ASTN2: variants seen among roughly 807,000 people sequenced by gnomAD.
ASTN2 encodes astrotactin-2.
In ASTN2, 54 loss-of-function variants were observed where a neutral mutation model predicts 139.8. The observed-to-expected ratio is 0.39, with a 90% CI of 0.31 to 0.48. ASTN2 has a LOEUF of 0.48. Among genes scored for constraint, ASTN2 ranks in the 20% least tolerant of loss-of-function variants. The pLI is 0.95. For missense variants in ASTN2, 1,565 were observed against 1,725.1 expected, an observed-to-expected ratio of 0.91 and a Z score of 1.64; for synonymous variants, 756 against 719.5, an observed-to-expected ratio of 1.05 and a Z score of -0.81.
chr9:116,507,086 C>T (rs1032344764), intron 19 of ASTN2, among the ~76,000 whole-genome samples: 3 of 152,144 alleles, frequency 2.0e-5, no homozygotes, highest in Non-Finnish European at 4.4e-5. Context: ...CATACATAAT[C>T]GCTTTAACAT....
chr9:117,063,311 A>C (rs1197029066), intron 5 of ASTN2, among the ~76,000 whole-genome samples: 1 of 152,070 alleles, frequency 6.6e-6, no homozygotes, highest in African/African-American at 2.4e-5. Context: ...CCCAAATCTC[A>C]CTTGAACTGT....
intron 1 of ASTN2, among the ~76,000 whole-genome samples, chr9:117,368,467 GAACA>G (rs1190665900): frequency 6.6e-6 from 1 of 152,084 alleles, no homozygotes; most frequent in African/African-American, 2.4e-5. Flanking sequence ...AAAGTTTAAA[GAACA>G]AACGAATCTG....
At chr9:116,938,825 T>TA (rs1389676826) in intron 10 of ASTN2, among the ~76,000 whole-genome samples, 3 of 152,128 alleles carry the variant, frequency 2.0e-5, no homozygotes, top group African/African-American at 4.8e-5. Flanking sequence ...CTCTTGCTAT[T>TA]AAAAAAAGGG....
intron 10 of ASTN2, among the ~76,000 whole-genome samples, chr9:116,961,402 A>T (rs1835871963): frequency 6.6e-6 from 1 of 151,946 alleles, no homozygotes; most frequent in Non-Finnish European, 1.5e-5. Context: ...CTCCGCAACC[A>T]CTATTCTACT....
At chr9:116,490,303 A>AAAAAAAAAAAAAAAAAAAAAT in intron 19 of ASTN2, among the ~76,000 whole-genome samples, 1 of 104,578 alleles carries the variant, frequency 9.6e-6, no homozygotes. Context: ...AAAAAAAAAA[A>AAAAAAAAAAAAAAAAAAAAAT]GGGGGCATTG....
intron 1 of ASTN2, among the ~76,000 whole-genome samples, chr9:117,390,938 G>A (rs928217134): frequency 6.6e-6 from 1 of 152,170 alleles, no homozygotes; most frequent in African/African-American, 2.4e-5. Flanking sequence ...TAGTTACACT[G>A]ATTTAATTGG....
intron 1 of ASTN2, among the ~76,000 whole-genome samples, chr9:117,406,591 T>C (rs575719457): frequency 1.3e-5 from 2 of 152,208 alleles, no homozygotes; most frequent in Admixed American, 6.5e-5. Context: ...GCTAGGATTA[T>C]CTAGCTAGGA....
intron 3 of ASTN2, among the ~76,000 whole-genome samples, chr9:117,178,948 T>TA (rs573706660): frequency 7.0e-4 from 107 of 152,364 alleles, no homozygotes; most frequent in African/African-American, 2.5e-3. Context: ...AGCCCTCTCA[T>TA]AGCCTGTTTT....
Position 116,631,226 on chromosome 9 carries a change from A to G in ASTN2, c.3073-10783T>C, listed in dbSNP as rs10817915. On this transcript the variant is annotated intron_variant, in intron 17 of 22. Coordinates refer to ENST00000313400, the MANE Select transcript of ASTN2 (RefSeq NM_001365068.1). ...CTGGGCATATATACAAAGGAAATAA[A>G]ATCAGTATGCTAAAGAGATATCTGC... Among the ~76,000 whole-genome samples, 2,908 of 152,296 alleles carry G rather than the reference A, an allele frequency of 0.019. 396 individuals carry two copies. In the South Asian group the frequency reaches 0.29, roughly 15 times the overall value.
chr9:117,348,535 T>C (rs1195257780), intron 1 of ASTN2, among the ~76,000 whole-genome samples: 1 of 152,132 alleles, frequency 6.6e-6, no homozygotes, highest in Non-Finnish European at 1.5e-5. Flanking sequence ...AATGGATCTA[T>C]TTACTGTAAA....
chr9:116,748,579 C>G (rs184710325), intron 13 of ASTN2, among the ~76,000 whole-genome samples: 1 of 152,202 alleles, frequency 6.6e-6, no homozygotes, highest in Admixed American at 6.5e-5. Context: ...TCACTACACA[C>G]TCCTCAAGGG....
intron 5 of ASTN2, among the ~76,000 whole-genome samples, chr9:117,071,195 G>C (rs1479822767): frequency 6.6e-6 from 1 of 151,636 alleles, no homozygotes; most frequent in Non-Finnish European, 1.5e-5. Flanking sequence ...TTTTGGTGTG[G>C]ATGTCCTTTC....
chr9:116,796,433 G>A (rs1453801584), intron 13 of ASTN2, among the ~76,000 whole-genome samples: 1 of 152,172 alleles, frequency 6.6e-6, no homozygotes, highest in Admixed American at 6.5e-5. Context: ...AATAGGAAAA[G>A]CTTCCCTAAG....
chr9:117,295,290 C>T (rs941996554), intron 1 of ASTN2, among the ~76,000 whole-genome samples: 3 of 151,796 alleles, frequency 2.0e-5, no homozygotes, highest in African/African-American at 7.3e-5. Flanking sequence ...CCACTGCACT[C>T]CAGCCTGGGC....
chr9:116,881,385 C>T (rs903102320), intron 10 of ASTN2, among the ~76,000 whole-genome samples: 2 of 152,238 alleles, frequency 1.3e-5, no homozygotes, highest in Admixed American at 1.3e-4. Context: ...CCATATTCTT[C>T]TCCCAGAATG....
intron 10 of ASTN2, among the ~76,000 whole-genome samples, chr9:116,948,517 T>C (rs1260327872): frequency 1.3e-5 from 2 of 152,226 alleles, no homozygotes; most frequent in African/African-American, 4.8e-5. Context: ...ATTTTCCTTG[T>C]TGTAGCTTTG....
intron 19 of ASTN2, among the ~76,000 whole-genome samples, chr9:116,595,861 C>G (rs1302214355): frequency 1.3e-5 from 2 of 152,120 alleles, no homozygotes; most frequent in African/African-American, 2.4e-5. Context: ...CTATGAAAAA[C>G]AGTATGCAGG....
intron 3 of ASTN2, among the ~76,000 whole-genome samples, chr9:117,182,673 T>C (rs143323520): frequency 1.3e-4 from 20 of 152,252 alleles, no homozygotes; most frequent in African/African-American, 4.8e-4. Context: ...CGGTGGTATA[T>C]GCCATAGTGG....
chr9:117,096,252 T>G lies in ASTN2; in HGVS notation c.1169-101A>C. ...ATCAGCAATCCCATCCCCAGACTTT[T>G]CTCTGTAAATCCCAAGCAACCCAGG... On this transcript the variant is annotated intron_variant, in intron 4 of 22. Coordinates refer to ENST00000313400, the MANE Select transcript of ASTN2 (RefSeq NM_001365068.1). 4 of 899,652 alleles carry G rather than the reference T, an allele frequency of 4.4e-6. No individual in the cohort carries two copies. In the South Asian group the frequency reaches 5.9e-5, roughly 13 times the overall value. 55.7% of individuals were successfully genotyped at this position (899,652 alleles called of 1,614,324 possible).
Sources: allele counts gnomAD v4.1 joint callset (sites outside exome capture counted in the v4.1 genomes callset), GRCh38; gene constraint gnomAD v4.1.1; transcripts MANE v1.5; gene names NCBI Gene and HGNC (gene_info 2026-07-23, HGNC 2026-07-21).